The following PTPRT variants were observed in gnomAD, a reference collection of about 807,000 sequenced individuals.
PTPRT encodes the protein receptor-type tyrosine-protein phosphatase T.
Under a neutral mutation model 176.8 loss-of-function variants are expected in PTPRT, and 56 were observed. That is an observed-to-expected ratio of 0.32 (90% CI 0.26 to 0.40). PTPRT has a LOEUF of 0.40. Ranked by LOEUF, PTPRT falls within the 10% of genes least tolerant of loss-of-function variation. The pLI is 1.00. For missense variants in PTPRT, 1,540 were observed against 1,908.2 expected, an observed-to-expected ratio of 0.81 and a Z score of 3.60; for synonymous variants, 783 against 739.0, an observed-to-expected ratio of 1.06 and a Z score of -0.96.
intron 11 of PTPRT, among the ~76,000 whole-genome samples, chr20:42,340,840 G>GA (rs1177324051): frequency 1.3e-5 from 2 of 151,818 alleles, no homozygotes; most frequent in South Asian, 4.2e-4. Context: ...AAAGTCAGCA[G>GA]AAAAAAAAGT....
intron 1 of PTPRT, among the ~76,000 whole-genome samples, chr20:43,118,095 T>C (rs1192890565): frequency 6.6e-6 from 1 of 152,164 alleles, no homozygotes; most frequent in Non-Finnish European, 1.5e-5. Context: ...TAAAGGGACA[T>C]ATAATAAACA....
At chr20:42,985,776 G>T (rs937600208) in intron 1 of PTPRT, among the ~76,000 whole-genome samples, 1 of 152,168 alleles carries the variant, frequency 6.6e-6, no homozygotes, top group African/African-American at 2.4e-5. Context: ...CTGAGAAGAT[G>T]TTCAAAGTCT....
chr20:42,701,020 G>T (rs1382394947), intron 6 of PTPRT, among the ~76,000 whole-genome samples: 1 of 152,204 alleles, frequency 6.6e-6, no homozygotes, highest in Non-Finnish European at 1.5e-5. Context: ...CCGCCACAAG[G>T]CTACATACAG....
intron 5 of PTPRT, among the ~76,000 whole-genome samples, chr20:42,760,669 C>T (rs1256839069): frequency 6.6e-6 from 1 of 152,176 alleles, no homozygotes; most frequent in African/African-American, 2.4e-5. Context: ...AGACTGTTCA[C>T]TTGATCCTCT....
rs112894271 is a variant in PTPRT at position 42,089,111 on chromosome 20, A to AGTGT, written c.3847-3262_3847-3259dup. Among the ~76,000 whole-genome samples, 795 of 148,600 alleles carry AGTGT rather than the reference A, an allele frequency of 5.3e-3. 8 individuals are homozygous for AGTGT. The highest frequency in any genetic ancestry group is 0.018 in the African/African-American group (740 of 40,778). On this transcript the variant is annotated intron_variant, in intron 27 of 30. Coordinates refer to ENST00000373187, the MANE Select transcript of PTPRT (RefSeq NM_007050.6). Reference sequence around the variant, plus strand: ...GAGAAAGGAGCTCTGAGTGTGTGTGAGTGTGTGTGTGTGTGTGTGTGTCTT... The same window carrying AGTGT: ...GAGAAAGGAGCTCTGAGTGTGTGTGAGTGTGTGTGTGTGTGTGTGTGTGTGTCTT...
chr20:42,995,318 C>A (rs188968669), intron 1 of PTPRT, among the ~76,000 whole-genome samples: 214 of 152,214 alleles, frequency 1.4e-3, no homozygotes, highest in African/African-American at 4.9e-3. Flanking sequence ...GTAGAAATAA[C>A]CCCACTGATT....
At chr20:43,088,897 T>G (rs1206552031) in intron 1 of PTPRT, among the ~76,000 whole-genome samples, 1 of 152,130 alleles carries the variant, frequency 6.6e-6, no homozygotes, top group Non-Finnish European at 1.5e-5. Context: ...GGTTCTAGAT[T>G]CTAGATCCTG....
At chr20:43,178,580 A>G (rs75308238) in intron 1 of PTPRT, among the ~76,000 whole-genome samples, 6,491 of 152,352 alleles carry the variant, frequency 0.043, 194 homozygotes, top group Non-Finnish European at 0.066. Context: ...TCTGGATCTG[A>G]AAAGAGAAGA....
chr20:42,117,709 T>C (rs1215828433), intron 21 of PTPRT, among the ~76,000 whole-genome samples: 1 of 152,164 alleles, frequency 6.6e-6, no homozygotes, highest in Admixed American at 6.5e-5. Context: ...GGAGCTACGC[T>C]GCGGTGGGTA....
At chr20:42,537,763 C>T (rs1218189072) in intron 7 of PTPRT, among the ~76,000 whole-genome samples, 1 of 152,160 alleles carries the variant, frequency 6.6e-6, no homozygotes, top group Non-Finnish European at 1.5e-5. Flanking sequence ...GCGAGAAAAG[C>T]AGACAGAGCA....
chr20:42,438,433 T>C (rs6030240), intron 9 of PTPRT, among the ~76,000 whole-genome samples: 124,955 of 151,610 alleles, frequency 0.82, 51,679 homozygotes, highest in East Asian at 0.88. Flanking sequence ...CCCCCCTAGT[T>C]TAGGAGAAAA....
chr20:42,967,514 G>C (rs1292691438), intron 1 of PTPRT, among the ~76,000 whole-genome samples: 1 of 152,132 alleles, frequency 6.6e-6, no homozygotes, highest in African/African-American at 2.4e-5. Context: ...GGAACTGATT[G>C]TCCCCTAGAG....
intron 1 of PTPRT, among the ~76,000 whole-genome samples, chr20:43,025,734 C>T (rs78901097): frequency 0.085 from 12,931 of 152,212 alleles, 616 homozygotes; most frequent in Middle Eastern, 0.15. Context: ...CAGGAACACA[C>T]ACAAAAAATT....
intron 6 of PTPRT, among the ~76,000 whole-genome samples, chr20:42,723,606 C>A (rs1479120680): frequency 1.3e-5 from 2 of 152,164 alleles, no homozygotes; most frequent in Non-Finnish European, 2.9e-5. Flanking sequence ...CTGCATAATA[C>A]CCCTCTTCCA....
At chr20:42,130,606 C>G (rs1988079999) in intron 18 of PTPRT, among the ~76,000 whole-genome samples, 1 of 152,194 alleles carries the variant, frequency 6.6e-6, no homozygotes, top group East Asian at 1.9e-4. Context: ...TATGGACAAA[C>G]AGGCCTAGGG....
chr20:43,097,084 C>T (rs937304960), intron 1 of PTPRT, among the ~76,000 whole-genome samples: 10 of 152,188 alleles, frequency 6.6e-5, no homozygotes, highest in South Asian at 2.1e-4. Flanking sequence ...TGCTGATGAG[C>T]GTTGGCCTCT....
intron 14 of PTPRT, among the ~76,000 whole-genome samples, chr20:42,239,343 CTT>C (rs1426567165): frequency 2.0e-5 from 3 of 150,580 alleles, no homozygotes; most frequent in African/African-American, 7.3e-5. Context: ...CAAGAAGTAA[CTT>C]CAGATCACAC....
At chr20:42,388,579 C>A (rs1324812225) in intron 9 of PTPRT, among the ~76,000 whole-genome samples, 2 of 152,180 alleles carry the variant, frequency 1.3e-5, no homozygotes, top group Non-Finnish European at 2.9e-5. Flanking sequence ...CAATGAGATA[C>A]CATCTCACAC....
At chr20:42,965,041 C>G (rs922171480) in intron 1 of PTPRT, among the ~76,000 whole-genome samples, 1 of 152,114 alleles carries the variant, frequency 6.6e-6, no homozygotes, top group African/African-American at 2.4e-5. Context: ...AATTTATAAA[C>G]AAGTTCAGTA....
Sources: gnomAD v4.1 joint callset for allele counts (sites outside exome capture counted in the v4.1 genomes callset) on GRCh38, gnomAD v4.1.1 for gene constraint, MANE v1.5 for transcripts, NCBI Gene and HGNC (gene_info 2026-07-23, HGNC 2026-07-21) for gene names.